The following TSHZ1 variants were observed in gnomAD, a reference collection of about 807,000 sequenced individuals.
The protein encoded by TSHZ1 is teashirt zinc finger homeobox 1, also known as teashirt homolog 1.
In TSHZ1, 12 loss-of-function variants were observed where a neutral mutation model predicts 67.1. The observed-to-expected ratio is 0.18, with a 90% CI of 0.11 to 0.29. The LOEUF (loss-of-function observed/expected upper bound fraction) is 0.29. Among genes scored for constraint, TSHZ1 ranks in the 10% least tolerant of loss-of-function variants. The pLI is 1.00. For synonymous variants in TSHZ1, 632 were observed against 622.4 expected (o/e 1.02, Z -0.23); for missense variants, 1,305 against 1,413.9 (o/e 0.92, Z 1.23).
chr18:75,259,851 T>G (rs1047823369), intron 1 of TSHZ1, among the ~76,000 whole-genome samples: 2 of 152,200 alleles, frequency 1.3e-5, no homozygotes, highest in Non-Finnish European at 2.9e-5. Flanking sequence ...GGTGCTTTTA[T>G]TTCCAAGGAT....
intron 1 of TSHZ1, among the ~76,000 whole-genome samples, chr18:75,224,815 A>G (rs2022900601): frequency 1.3e-5 from 2 of 151,914 alleles, no homozygotes; most frequent in Admixed American, 6.6e-5. Context: ...TCTTTCATTA[A>G]TCTCTTTTTC....
Position 75,287,474 on chromosome 18 carries a change from A to G in TSHZ1, c.2067A>G (p.Lys689=). The change falls in exon 2 of 2, where the codon AAA becomes AAG. Residue 689 remains lysine (K), a synonymous_variant. Coordinates refer to ENST00000580243, the MANE Select transcript of TSHZ1 (RefSeq NM_001308210.2). This position sits in a 1 kb window ranked among gnomAD's most constrained non-coding sequence, Gnocchi z 5.0. ...CGAAAACGGAGGAAGTCAGCGGCAA[A>G]CCACAGAAGAAGGGCCCTGAGGCCG... ...DFPKTEEVSG[K]PQKKGPEAET... The G allele has an allele frequency of 1.2e-6, 2 of 1,614,240 alleles. No individual in the cohort carries two copies. The highest frequency in any genetic ancestry group is 1.7e-6 in the Non-Finnish European group (2 of 1,180,050).
At chr18:75,228,802 G>A (rs1465824794) in intron 1 of TSHZ1, among the ~76,000 whole-genome samples, 6 of 152,144 alleles carry the variant, frequency 3.9e-5, no homozygotes, top group African/African-American at 1.4e-4. Context: ...GGTGGAGATG[G>A]TCTAGTGCAT....
In TSHZ1 at chr18:75,212,041, C is replaced by T. The variant is rs561037364; in HGVS notation, c.40+125C>T. On this transcript the variant is annotated intron_variant, in intron 1 of 1. Coordinates refer to ENST00000580243, the MANE Select transcript of TSHZ1 (RefSeq NM_001308210.2). ...CCCAAGCTGGGGAGGGGAGGCCCAG[C>T]CTGCGCTGGCCACAGTCGTCTGGAG... 28 of 656,190 alleles carry T rather than the reference C, an allele frequency of 4.3e-5. No homozygotes were observed. In the East Asian group the frequency reaches 4.3e-4, roughly 10 times the overall value. 40.6% of individuals were successfully genotyped at this position (656,190 alleles called of 1,614,324 possible).
chr18:75,261,919 C>A (rs949935245), intron 1 of TSHZ1, among the ~76,000 whole-genome samples: 2 of 152,160 alleles, frequency 1.3e-5, no homozygotes, highest in South Asian at 4.1e-4. Context: ...ATGATTCAAG[C>A]CAAACCCTTG....
chr18:75,257,403 C>T (rs1350732704), intron 1 of TSHZ1, among the ~76,000 whole-genome samples: 1 of 152,140 alleles, frequency 6.6e-6, no homozygotes, highest in Non-Finnish European at 1.5e-5. Context: ...TAATTCTGCC[C>T]ATGTTTCAGA....
intron 1 of TSHZ1, among the ~76,000 whole-genome samples, chr18:75,268,430 C>T (rs998073433): frequency 2.0e-5 from 3 of 152,106 alleles, no homozygotes; most frequent in Non-Finnish European, 4.4e-5. Context: ...ATCTTTTGAT[C>T]AGTCCTGTCC....
At chr18:75,226,700 C>T (rs150546113) in intron 1 of TSHZ1, among the ~76,000 whole-genome samples, 3,681 of 152,206 alleles carry the variant, frequency 0.024, 67 homozygotes, top group Middle Eastern at 0.061. Flanking sequence ...GCATCACCAG[C>T]CCTCCCAGCC....
chr18:75,255,743 A>T (rs1463883392), intron 1 of TSHZ1, among the ~76,000 whole-genome samples: 1 of 152,246 alleles, frequency 6.6e-6, no homozygotes, highest in African/African-American at 2.4e-5. Context: ...TCTGTTAAAC[A>T]CAATGGAATT....
At chr18:75,229,119 GC>G (rs1378803316) in intron 1 of TSHZ1, among the ~76,000 whole-genome samples, 1 of 152,258 alleles carries the variant, frequency 6.6e-6, no homozygotes, top group African/African-American at 2.4e-5. Flanking sequence ...TGGGCGTGCT[GC>G]CCTGGCCTGC....
At chr18:75,234,757 A>G (rs1033089076) in intron 1 of TSHZ1, among the ~76,000 whole-genome samples, 3 of 152,148 alleles carry the variant, frequency 2.0e-5, no homozygotes, top group African/African-American at 7.2e-5. Context: ...ACCCATACAT[A>G]TTTCTATAAA....
rs377578290 is a variant in TSHZ1, at chr18:75,285,690, G to A, written c.283G>A (p.Glu95Lys). The change falls in exon 2 of 2, where the codon GAA (glutamate) becomes AAA (lysine). Residue 95 changes from glutamate to lysine, a missense_variant. Physicochemically the swap from Glu to Lys is moderately conservative, Grantham distance 56 (BLOSUM62 1). Transcript: ENST00000580243. The part of the protein sequence containing the change: ...LAHFKGSSSR[E>K]EKEDPQCPDS... ...CCATTTCAAAGGCTCTTCCTCTCGA[G>A]AAGAGAAGGAGGATCCGCAGTGTCC... 1.2e-6 allele frequency: 2 copies of A among 1,613,998 alleles called. No homozygotes were observed. Among genetic ancestry groups the A allele is most frequent in the Non-Finnish European group, 8.5e-7 (1 of 1,180,012 alleles).
In TSHZ1 at chr18:75,288,817, T is replaced by G; in HGVS notation, c.*176T>G. 2 of 1,090,624 alleles carry G rather than the reference T, an allele frequency of 1.8e-6. No homozygotes were observed. Among genetic ancestry groups the G allele is most frequent in the Non-Finnish European group, 2.5e-6 (2 of 809,974 alleles). The allele number at this position is 1,090,624 out of a possible 1,614,324, so 67.6% of individuals were successfully genotyped here. A position where few individuals can be genotyped will look rare whatever the true frequency, so the allele number is the denominator to read the frequency against. The stretch of plus-strand genomic sequence containing the variant: ...TGCTCTCTGTCCGATCTGTGCATGT[T>G]ATTTTTCTTTTTCCGTGAGTCAAAG... On this transcript the variant is annotated 3_prime_UTR_variant, in exon 2 of 2. Transcript: ENST00000580243. This position sits in a 1 kb window ranked among gnomAD's most constrained non-coding sequence, Gnocchi z 4.9.
intron 1 of TSHZ1, among the ~76,000 whole-genome samples, chr18:75,240,384 T>G (rs903290256): frequency 7.2e-5 from 11 of 151,866 alleles, no homozygotes; most frequent in Non-Finnish European, 1.6e-4. Context: ...TTTTTTGACC[T>G]TTGGTCAAGC....
At position 75,287,397 on chromosome 18, in the gene TSHZ1, A is replaced by G. The variant is rs1264390920; in HGVS notation, c.1990A>G (p.Ser664Gly). 1.2e-6 allele frequency: 2 copies of G among 1,613,952 alleles called. No individual in the cohort carries two copies. The highest frequency in any genetic ancestry group is 1.7e-6 in the Non-Finnish European group (2 of 1,180,026). ...KEERPPEKEK[S>G]SLAKAASPIA... ...GGAGAGACCCCCTGAGAAGGAGAAG[A>G]GCTCCCTGGCCAAGGCTGCGTCCCC... Residue 664 changes from serine to glycine, a missense_variant, in exon 2 of 2, where the codon AGC becomes GGC. Ser to Gly is a moderately conservative substitution (Grantham distance 56, BLOSUM62 0). Coordinates refer to ENST00000580243, the MANE Select transcript of TSHZ1 (RefSeq NM_001308210.2). This position sits in a 1 kb window ranked among gnomAD's most constrained non-coding sequence, Gnocchi z 5.0.
In TSHZ1 at chr18:75,287,979, C is replaced by T; in HGVS notation, c.2572C>T (p.Pro858Ser). ...CCGCCTGACGCCCAAGTCCTCCACG[C>T]CCTCCACAGTTTCAGAGAAGTCCGA... ...TGRLTPKSST[P>S]STVSEKSDAD... Residue 858 changes from proline to serine, a missense_variant, in exon 2 of 2, where the codon CCC (proline) becomes TCC (serine). Pro to Ser is a moderately conservative substitution (Grantham distance 74). Around this residue, in one of 3 missense-constraint regions of TSHZ1, gnomAD observed 909 missense variants for 961.8 expected, o/e 0.95. Transcript: ENST00000580243. This position sits in a 1 kb window ranked among gnomAD's most constrained non-coding sequence, Gnocchi z 5.0. The T allele has an allele frequency of 6.2e-7, 1 of 1,614,206 alleles. No individual in the cohort carries two copies. The highest frequency in any genetic ancestry group is 8.5e-7 in the Non-Finnish European group (1 of 1,180,042).
At chr18:75,224,671 G>A (rs550231582) in intron 1 of TSHZ1, among the ~76,000 whole-genome samples, 4 of 152,112 alleles carry the variant, frequency 2.6e-5, no homozygotes, top group Admixed American at 2.0e-4. Flanking sequence ...TCGATTTGGA[G>A]CCTGCCTGTT....
At position 75,285,798 on chromosome 18, in the gene TSHZ1, A is replaced by T; in HGVS notation, c.391A>T (p.Ser131Cys). Residue 131 changes from serine (S) to cysteine (C), a missense_variant, in exon 2 of 2, where the codon AGC becomes TGC. By Grantham distance (112) the Ser-to-Cys change is moderately radical (BLOSUM62 -1). Transcript: ENST00000580243. ...CTTGTTCTCCGAGTCCTGCTGGTCC[A>T]GCTTAGCTCTGGATTTAAAGAAGTC... is the stretch of plus-strand genomic sequence containing the variant. ...ANLFSESCWS[S>C]LALDLKKSGS... 1 of 1,614,132 alleles carries T rather than the reference A, an allele frequency of 6.2e-7. No homozygotes were observed.
intron 1 of TSHZ1, among the ~76,000 whole-genome samples, chr18:75,237,106 G>C (rs144368646): frequency 6.6e-6 from 1 of 152,172 alleles, no homozygotes; most frequent in African/African-American, 2.4e-5. Flanking sequence ...TTCTTCAGAC[G>C]TGTCAACAGT....
Sources: gnomAD v4.1 joint callset for allele counts (sites outside exome capture counted in the v4.1 genomes callset) on GRCh38, gnomAD v4.1.1 for gene constraint, gnomAD v4.1.1 regional missense constraint, Gnocchi (gnomAD v3.1) non-coding constraint, MANE v1.5 for transcripts, NCBI Gene and HGNC (gene_info 2026-07-23, HGNC 2026-07-21) for gene names.